The following C11orf65 variants were observed in gnomAD, a reference collection of about 807,000 sequenced individuals.
C11orf65 encodes the protein chromosome 11 open reading frame 65.
In C11orf65, 38 loss-of-function variants were observed where a neutral mutation model predicts 35.3. That is an observed-to-expected ratio of 1.08 (90% confidence interval 0.83 to 1.41). The LOEUF (loss-of-function observed/expected upper bound fraction) is 1.41, where lower values mean the gene tolerates loss of function less well. Among genes scored for constraint, C11orf65 ranks in the 40% most tolerant of loss-of-function variants. The pLI is 0.00. For synonymous variants in C11orf65, 105 were observed against 114.4 expected (o/e 0.92, Z 0.53); for missense variants, 370 against 367.1 (o/e 1.01, Z -0.06).
intron 3 of C11orf65, among the ~76,000 whole-genome samples, chr11:108,422,175 G>A (rs578250582): frequency 7.9e-5 from 12 of 152,160 alleles, no homozygotes; most frequent in South Asian, 2.1e-4. Context: ...TGATCCGCCC[G>A]ACTCAGCCTC....
At chr11:108,413,700 T>C (rs567674542) in intron 3 of C11orf65, among the ~76,000 whole-genome samples, 59 of 152,172 alleles carry the variant, frequency 3.9e-4, no homozygotes, top group Admixed American at 2.0e-3. Context: ...TTAAAAGGAA[T>C]AGAAATCATA....
chr11:108,371,622 TTTTA>T (rs1242296121), intron 2 of C11orf65, among the ~76,000 whole-genome samples: 5 of 152,212 alleles, frequency 3.3e-5, no homozygotes, highest in African/African-American at 7.2e-5. Context: ...ACTGTATATA[TTTTA>T]TTTATCCATT....
At chr11:108,433,149 A>G (rs375993817) in intron 2 of C11orf65, among the ~76,000 whole-genome samples, 5 of 152,084 alleles carry the variant, frequency 3.3e-5, no homozygotes, top group East Asian at 3.9e-4. Flanking sequence ...TCTTCATAGT[A>G]TGGAGGTTTT....
At chr11:108,415,580 G>T (rs946374325) in intron 3 of C11orf65, among the ~76,000 whole-genome samples, 1 of 152,048 alleles carries the variant, frequency 6.6e-6, no homozygotes, top group Admixed American at 6.6e-5. Flanking sequence ...AAAATCCCAG[G>T]AACTTATTTT....
At chr11:108,344,775 A>G (rs1694979874) in intron 2 of C11orf65, among the ~76,000 whole-genome samples, 1 of 152,086 alleles carries the variant, frequency 6.6e-6, no homozygotes, top group Admixed American at 6.5e-5. Flanking sequence ...ATACCAAGGC[A>G]GGAGGATTGC....
chr11:108,442,008 C>T (rs2093162177), intron 2 of C11orf65, among the ~76,000 whole-genome samples: 1 of 152,146 alleles, frequency 6.6e-6, no homozygotes, highest in South Asian at 2.1e-4. Context: ...TTCAGATGAT[C>T]AGTAATAACA....
downstream of C11orf65, chr11:108,329,097 CATT>C: frequency 6.2e-7 from 1 of 1,614,092 alleles, no homozygotes; most frequent in South Asian, 1.1e-5. Flanking sequence ...GCATTTCTCT[CATT>C]AGCCCGGTTT....
chr11:108,428,592 A>G (rs1026295428), intron 3 of C11orf65, among the ~76,000 whole-genome samples: 2 of 152,188 alleles, frequency 1.3e-5, no homozygotes, highest in African/African-American at 2.4e-5. Flanking sequence ...ATTCTCACTC[A>G]TAAGTGGGAG....
chr11:108,341,039 A>G (rs2087497697), intron 2 of C11orf65, among the ~76,000 whole-genome samples: 1 of 152,062 alleles, frequency 6.6e-6, no homozygotes, highest in East Asian at 1.9e-4. Flanking sequence ...ATGAGTTCAC[A>G]TTATCCCTGA....
chr11:108,445,547 C>A (rs1246676542), intron 2 of C11orf65, among the ~76,000 whole-genome samples: 1 of 152,172 alleles, frequency 6.6e-6, no homozygotes, highest in Non-Finnish European at 1.5e-5. Flanking sequence ...TCCAACGGAC[C>A]TGTAGCTGAG....
intron 2 of C11orf65, among the ~76,000 whole-genome samples, chr11:108,348,772 C>G (rs1188575208): frequency 1.3e-5 from 2 of 151,904 alleles, no homozygotes; most frequent in African/African-American, 4.8e-5. Flanking sequence ...GCCATATTCA[C>G]TATAAAACAA....
chr11:108,377,401 G>T (rs1212635504), intron 2 of C11orf65, among the ~76,000 whole-genome samples: 1 of 152,138 alleles, frequency 6.6e-6, no homozygotes, highest in Non-Finnish European at 1.5e-5. Flanking sequence ...CTCAATAGAT[G>T]CAGAAAAGGC....
intron 3 of C11orf65, among the ~76,000 whole-genome samples, chr11:108,332,399 T>C (rs1412142994): frequency 6.6e-6 from 1 of 152,118 alleles, no homozygotes; most frequent in African/African-American, 2.4e-5. Context: ...GCCATTGCAC[T>C]CCAGCCTGGG....
intron 2 of C11orf65, chr11:108,347,231 A>C: frequency 2.2e-6 from 3 of 1,360,718 alleles, no homozygotes; most frequent in Non-Finnish European, 3.2e-6. Context: ...ATATATTAGA[A>C]AGAGATGGAA....
At chr11:108,335,748 C>T in intron 2 of C11orf65, 1 of 851,372 alleles carries the variant, frequency 1.2e-6, no homozygotes, top group Non-Finnish European at 2.0e-6. Context: ...CACAGATGCT[C>T]AGATTGGTTT....
chr11:108,335,576 T>C (rs903302296), intron 2 of C11orf65, among the ~76,000 whole-genome samples: 10 of 152,236 alleles, frequency 6.6e-5, no homozygotes, highest in Non-Finnish European at 1.5e-4. Flanking sequence ...AGTGCTGTTT[T>C]ACTCAGGTGT....
chr11:108,433,261 C>T (rs145937253), intron 2 of C11orf65, among the ~76,000 whole-genome samples: 1 of 148,588 alleles, frequency 6.7e-6, no homozygotes, highest in South Asian at 2.1e-4. Flanking sequence ...ATATCTCTCT[C>T]TATATATATA....
Position 108,382,863 on chromosome 11 carries a change from A to G in C11orf65, c.*158T>C. ...TTGCCATGATCATTGTATTCAGTCC[A>G]GTGTTCTATTTCTGCTCAATCTTCC... On this transcript the variant is annotated 3_prime_UTR_variant, in exon 9 of 9. Transcript: ENST00000393084. 5.4e-6 allele frequency: 8 copies of G among 1,476,380 alleles called. No homozygotes were observed. In the South Asian group the frequency reaches 1.1e-4, roughly 20 times the overall value. 91.5% of individuals were successfully genotyped at this position (1,476,380 alleles called of 1,614,324 possible).
intron 2 of C11orf65, among the ~76,000 whole-genome samples, chr11:108,363,028 A>G (rs999199179): frequency 2.6e-5 from 4 of 152,164 alleles, no homozygotes; most frequent in African/African-American, 9.7e-5. Flanking sequence ...TGTATTTTAC[A>G]CTCATCTACC....
Sources: allele counts gnomAD v4.1 joint callset (sites outside exome capture counted in the v4.1 genomes callset), GRCh38; gene constraint gnomAD v4.1.1; transcripts MANE v1.5; gene names NCBI Gene and HGNC (gene_info 2026-07-23, HGNC 2026-07-21).